CGREF1: variants seen among roughly 807,000 people sequenced by gnomAD.
CGREF1 encodes cell growth regulator with EF hand domain protein 1.
CGREF1 carries 16 observed loss-of-function variants against 17.4 expected under a neutral mutation model. The observed-to-expected ratio is 0.92, with a 90% CI of 0.62 to 1.40. The LOEUF is 1.40. Among genes scored for constraint, CGREF1 ranks in the 40% most tolerant of loss-of-function variants. The pLI, the probability that CGREF1 is intolerant of heterozygous loss-of-function variation, is 0.00. For missense variants in CGREF1, 296 were observed against 376.4 expected, an observed-to-expected ratio of 0.79 and a Z score of 1.77; for synonymous variants, 142 against 154.6, an observed-to-expected ratio of 0.92 and a Z score of 0.61.
rs1670958295 is a variant in CGREF1, at chr2:27,102,850, G to A, written c.81-259C>T. 5.0e-6 allele frequency: 4 copies of A among 805,874 alleles called. No individual in the cohort carries two copies. The Admixed American group carries it at 2.5e-4, about 50-fold the overall frequency. 49.9% of individuals were successfully genotyped at this position (805,874 alleles called of 1,614,324 possible). A position where few individuals can be genotyped will look rare whatever the true frequency, so the allele number is the denominator to read the frequency against. ...AAATAAAACAACTGGTTAGGTAGAG[G>A]CCAGATGAGGCCACACCTAGTAGAC... On this transcript the variant is annotated intron_variant, in intron 2 of 5. Coordinates refer to ENST00000402394, the MANE Select transcript of CGREF1 (RefSeq NM_006569.6).
intron 5 of CGREF1, 45 bp from the exon 6 acceptor site, chr2:27,101,933 TC>T (rs1377491738): frequency 1.9e-6 from 3 of 1,594,948 alleles, no homozygotes; most frequent in African/African-American, 2.7e-5. Context: ...ACAGAGATGT[TC>T]CCAGGAGTTC....
chr2:27,100,238 C>T (rs2148374101), downstream of CGREF1: 1 of 393,256 alleles, frequency 2.5e-6, no homozygotes, highest in Non-Finnish European at 4.8e-6. Context: ...ACTCTATTCC[C>T]ACAGCTCAGA....
intron 1 of CGREF1, among the ~76,000 whole-genome samples, chr2:27,117,703 G>T (rs896091462): frequency 1.3e-4 from 16 of 126,002 alleles, no homozygotes; most frequent in South Asian, 2.4e-4. Context: ...CCTGGGATCT[G>T]AATTTTTTTT....
At chr2:27,105,417 G>C (rs1386480405) in intron 1 of CGREF1, among the ~76,000 whole-genome samples, 1 of 152,180 alleles carries the variant, frequency 6.6e-6, no homozygotes, top group Non-Finnish European at 1.5e-5. Flanking sequence ...GGGTAGAGCA[G>C]GTAAGCACCT....
chr2:27,104,319 C>T lies in CGREF1; in HGVS notation c.48G>A (p.Thr16=), dbSNP rs138555335. 18 of 1,583,884 alleles carry T rather than the reference C, an allele frequency of 1.1e-5. No homozygotes were observed. Among genetic ancestry groups the T allele is most frequent in the Middle Eastern group, 3.4e-4 (2 of 5,906 alleles). Residue 16 remains threonine (T), a synonymous_variant, in exon 2 of 6, where the codon ACG becomes ACA. Coordinates refer to ENST00000402394, the MANE Select transcript of CGREF1 (RefSeq NM_006569.6). ...CTCCATCCTTTGGGGCAGCCTGACCCGTGGGGAGCAGCAGCAGGATTAACA... is the reference window on the plus strand; with the variant it reads ...CTCCATCCTTTGGGGCAGCCTGACCTGTGGGGAGCAGCAGCAGGATTAACA... ...MTVLILLLLP[T]GQAAPKDGVT...
downstream of CGREF1, chr2:27,099,775 C>G (rs1670687158): frequency 6.2e-7 from 1 of 1,610,562 alleles, no homozygotes; most frequent in African/African-American, 1.3e-5. Context: ...TCCTCACACA[C>G]CATGGAGACT....
chr2:27,118,242 A>G (rs1244188679), intron 1 of CGREF1, among the ~76,000 whole-genome samples: 2 of 152,106 alleles, frequency 1.3e-5, no homozygotes, highest in Non-Finnish European at 2.9e-5. Flanking sequence ...CTCTGCTTGA[A>G]TCATTCCAGG....
downstream of CGREF1, chr2:27,099,533 C>T (rs1195689045): frequency 2.5e-6 from 4 of 1,614,196 alleles, no homozygotes; most frequent in Non-Finnish European, 3.4e-6. Context: ...ACACTGGGAG[C>T]TGGAGACACC....
intron 1 of CGREF1, among the ~76,000 whole-genome samples, chr2:27,116,867 C>A (rs1671584452): frequency 7.1e-6 from 1 of 141,676 alleles, no homozygotes; most frequent in Non-Finnish European, 1.5e-5. Context: ...CCAGGCCAGG[C>A]CTATTCTCTC....
chr2:27,112,251 G>C (rs1362010248), intron 1 of CGREF1, among the ~76,000 whole-genome samples: 1 of 152,110 alleles, frequency 6.6e-6, no homozygotes, highest in Non-Finnish European at 1.5e-5. Flanking sequence ...ACTCCAGCCT[G>C]GGTGACAGAG....
intron 1 of CGREF1, among the ~76,000 whole-genome samples, chr2:27,111,963 C>T (rs1671409454): frequency 1.3e-5 from 2 of 152,202 alleles, no homozygotes; most frequent in Admixed American, 6.5e-5. Flanking sequence ...CCAGAGTGGG[C>T]GCCAAGGCCG....
In CGREF1 at chr2:27,102,457, G is replaced by A. The variant is rs143434062; in HGVS notation, c.147-27C>T. 5.3e-5 allele frequency: 86 copies of A among 1,613,386 alleles called. No homozygotes were observed. In the African/African-American group the frequency reaches 7.7e-4, roughly 15 times the overall value. On this transcript the variant is annotated intron_variant, in intron 3 of 5. Coordinates refer to ENST00000402394, the MANE Select transcript of CGREF1 (RefSeq NM_006569.6). ...TGTCAGAAAAGTGGAGAATCAGCCC[G>A]GGAGAGGTGAGTCTGCAGCCCTGGG... is the stretch of plus-strand genomic sequence containing the variant.
chr2:27,113,146 G>T (rs1243183368), intron 1 of CGREF1, among the ~76,000 whole-genome samples: 1 of 152,144 alleles, frequency 6.6e-6, no homozygotes, highest in Non-Finnish European at 1.5e-5. Context: ...TTTGTATCTA[G>T]AGTGCTGCTG....
chr2:27,112,095 C>T (rs984959806), intron 1 of CGREF1, among the ~76,000 whole-genome samples: 2 of 152,272 alleles, frequency 1.3e-5, no homozygotes, highest in Non-Finnish European at 2.9e-5. Context: ...CATAGTGAGA[C>T]CCCCATCTCT....
At chr2:27,108,219 C>A (rs977559802) in intron 1 of CGREF1, among the ~76,000 whole-genome samples, 1 of 151,872 alleles carries the variant, frequency 6.6e-6, no homozygotes, top group Non-Finnish European at 1.5e-5. Flanking sequence ...CACCCCACTG[C>A]GCTCCAGCCT....
chr2:27,102,287 G>T, intron 4 of CGREF1, 66 bp from the exon 5 acceptor site: 1 of 1,612,604 alleles, frequency 6.2e-7, no homozygotes, highest in Non-Finnish European at 8.5e-7. Flanking sequence ...GAGTCAATGG[G>T]GCAGCCGAGG....
chr2:27,109,408 A>G (rs1671262473), intron 1 of CGREF1, among the ~76,000 whole-genome samples: 1 of 151,800 alleles, frequency 6.6e-6, no homozygotes, highest in Non-Finnish European at 1.5e-5. Flanking sequence ...GCAAGAAAAC[A>G]TGTGGAGCAA....
chr2:27,100,999 C>A lies in CGREF1; in HGVS notation c.*275G>T. The A allele has an allele frequency of 8.0e-7, 1 of 1,256,040 alleles. No individual in the cohort carries two copies. Among genetic ancestry groups the A allele is most frequent in the Non-Finnish European group, 1.0e-6 (1 of 1,001,214 alleles). The allele number at this position is 1,256,040 out of a possible 1,614,324, so 77.8% of individuals were successfully genotyped here. ...CCCAGAAACACTGGGCAGGCGGCATCCCTGTCCTTTCGGTCCCCAACCCCG... is the reference window on the plus strand; with the variant it reads ...CCCAGAAACACTGGGCAGGCGGCATACCTGTCCTTTCGGTCCCCAACCCCG... On this transcript the variant is annotated 3_prime_UTR_variant, in exon 6 of 6. Transcript: ENST00000402394.
At position 27,107,687 on chromosome 2, in the gene CGREF1, C is replaced by A. The variant is rs1230418323; in HGVS notation, c.-11-3310G>T. 2.7e-5 allele frequency among the ~76,000 whole-genome samples: 4 copies of A among 150,594 alleles called. 1 individual carries two copies. The highest frequency in any genetic ancestry group is 9.7e-5 in the African/African-American group (4 of 41,038). ...TGGTGGCTCATGCCTGTAGTCCCCG[C>A]ACTTTAGGAGGCTGAGGCTGGTGGA... On this transcript the variant is annotated intron_variant, in intron 1 of 5. Coordinates refer to ENST00000402394, the MANE Select transcript of CGREF1 (RefSeq NM_006569.6).
Sources: allele counts gnomAD v4.1 joint callset (sites outside exome capture counted in the v4.1 genomes callset), GRCh38; gene constraint gnomAD v4.1.1; transcripts MANE v1.5; gene names NCBI Gene and HGNC (gene_info 2026-07-23, HGNC 2026-07-21).